The following TENM3 variants were observed in gnomAD, a reference collection of about 807,000 sequenced individuals.
The protein encoded by TENM3 is teneurin-3.
TENM3 carries 63 observed loss-of-function variants against 255.1 expected under a neutral mutation model. The ratio of observed to expected loss-of-function variants is 0.25; its 90% CI spans 0.20 to 0.30. TENM3 has a LOEUF of 0.30. Ranked by LOEUF, TENM3 falls within the 10% of genes least tolerant of loss-of-function variation. The pLI is 1.00. For synonymous variants in TENM3, 1,306 were observed against 1,322.3 expected (o/e 0.99, Z 0.27); for missense variants, 2,929 against 3,461.1 (o/e 0.85, Z 3.86).
At chr4:182,440,784 G>A (rs969526384) in intron 3 of TENM3, among the ~76,000 whole-genome samples, 3 of 151,798 alleles carry the variant, frequency 2.0e-5, no homozygotes, top group African/African-American at 2.4e-5. Context: ...GCGGAAGACC[G>A]TGCGGAAGGC....
the TENM3 span, among the ~76,000 whole-genome samples, chr4:181,587,404 T>G: frequency 6.6e-6 from 1 of 152,138 alleles, no homozygotes; most frequent in Admixed American, 6.5e-5. Flanking sequence ...ATCCTCTCTT[T>G]CTCTTTGGTG....
chr4:181,525,807 T>C, the TENM3 span, among the ~76,000 whole-genome samples: 1 of 152,232 alleles, frequency 6.6e-6, no homozygotes, highest in Admixed American at 6.5e-5. Flanking sequence ...TGAGGGCAGC[T>C]GGGTGAGTGC....
rs1561153694 is a variant in TENM3, at chr4:182,161,824, TACACA to T, written c.-76+17071_-76+17075del. ...ATATACACATATATATGTATATATA[TACACA>T]TATATATGTGTATATATACACAAAT... On this transcript the variant is annotated intron_variant, in intron 1 of 2. Transcript: ENST00000512480. Among the ~76,000 whole-genome samples the T allele has an allele frequency of 4.1e-4, 14 of 34,120 alleles. 3 individuals are homozygous for T. Among genetic ancestry groups the T allele is most frequent in the Non-Finnish European group, 6.0e-4 (10 of 16,784 alleles). The allele number at this position is 34,120 out of a possible 152,430, so 22.4% of individuals were successfully genotyped here.
At chr4:182,752,088 AGGGGTTG>A in intron 20 of TENM3, 56 bp downstream of exon 20, 69 of 1,077,894 alleles carry the variant, frequency 6.4e-5, no homozygotes, top group Non-Finnish European at 7.9e-5. Flanking sequence ...AAAAAAAAAA[AGGGGTTG>A]AAAATCCATT....
the TENM3 span, among the ~76,000 whole-genome samples, chr4:181,885,594 T>G: frequency 6.6e-6 from 1 of 152,052 alleles, no homozygotes; most frequent in African/African-American, 2.4e-5. Flanking sequence ...TGACTAGAAT[T>G]TAAACAACAC....
chr4:181,824,577 C>A, the TENM3 span, among the ~76,000 whole-genome samples: 1 of 152,026 alleles, frequency 6.6e-6, no homozygotes, highest in Non-Finnish European at 1.5e-5. Flanking sequence ...TCATATTCTT[C>A]CCATTTTATA....
the TENM3 span, among the ~76,000 whole-genome samples, chr4:181,561,869 G>A: frequency 0.29 from 44,016 of 151,874 alleles, 7,014 homozygotes; most frequent in Middle Eastern, 0.43. Context: ...ACATGTTTTC[G>A]GATAACCATC....
chr4:181,750,311 T>A, the TENM3 span, among the ~76,000 whole-genome samples: 2 of 152,292 alleles, frequency 1.3e-5, no homozygotes, highest in African/African-American at 4.8e-5. Flanking sequence ...GCCTAGTATG[T>A]GTCCTAAATG....
intron 1 of TENM3, among the ~76,000 whole-genome samples, chr4:182,257,180 G>C (rs1241765598): frequency 6.6e-6 from 1 of 152,198 alleles, no homozygotes; most frequent in Non-Finnish European, 1.5e-5. Context: ...TGGGGCTCCA[G>C]AATTTGCATT....
the TENM3 span, among the ~76,000 whole-genome samples, chr4:182,059,834 G>A: frequency 6.6e-6 from 1 of 151,862 alleles, no homozygotes; most frequent in Non-Finnish European, 1.5e-5. Flanking sequence ...TCTGGAGGCT[G>A]AGGCAGGAGG....
At chr4:181,975,096 A>G in the TENM3 span, 1 of 151,620 alleles carries the variant, frequency 6.6e-6, no homozygotes, top group African/African-American at 2.4e-5. Context: ...TGTTGCCGCA[A>G]AGGACATGAT....
At chr4:181,811,951 T>A in the TENM3 span, among the ~76,000 whole-genome samples, 1 of 152,264 alleles carries the variant, frequency 6.6e-6, no homozygotes, top group East Asian at 1.9e-4. Context: ...TGAGTGTGAT[T>A]AAACGCAAAT....
At chr4:181,726,738 C>T in the TENM3 span, among the ~76,000 whole-genome samples, 69 of 152,232 alleles carry the variant, frequency 4.5e-4, no homozygotes, top group African/African-American at 1.5e-3. Context: ...ATCTACCTTG[C>T]GATAGTCAGA....
chr4:182,492,540 ATCTT>A, intron 3 of TENM3, among the ~76,000 whole-genome samples: 1 of 152,242 alleles, frequency 6.6e-6, no homozygotes, highest in Admixed American at 6.5e-5. Flanking sequence ...TCCTGGTTCT[ATCTT>A]AAGAATTTTT....
chr4:182,199,353 C>A (rs553121356), intron 1 of TENM3, among the ~76,000 whole-genome samples: 3 of 151,980 alleles, frequency 2.0e-5, no homozygotes, highest in African/African-American at 7.3e-5. Flanking sequence ...ACCCAGGATG[C>A]GGAGGTTGCA....
chr4:181,454,938 A>T, the TENM3 span, among the ~76,000 whole-genome samples: 1 of 151,994 alleles, frequency 6.6e-6, no homozygotes, highest in Admixed American at 6.6e-5. Flanking sequence ...ATCACCTAAG[A>T]ACAGGTTTCT....
the TENM3 span, among the ~76,000 whole-genome samples, chr4:182,067,249 C>A: frequency 6.6e-6 from 1 of 152,136 alleles, no homozygotes; most frequent in Non-Finnish European, 1.5e-5. Context: ...TGAAATACAA[C>A]TGCAGAAACT....
intron 3 of TENM3, among the ~76,000 whole-genome samples, chr4:182,486,443 C>T (rs1734731799): frequency 6.6e-6 from 1 of 152,060 alleles, no homozygotes; most frequent in East Asian, 1.9e-4. Context: ...GAGACACCTC[C>T]TTTGTAGGAA....
chr4:182,479,821 A>C (rs974587524), intron 3 of TENM3, among the ~76,000 whole-genome samples: 5 of 151,900 alleles, frequency 3.3e-5, no homozygotes, highest in Non-Finnish European at 5.9e-5. Flanking sequence ...GTGAGGGAAA[A>C]CCCAATATAT....
Sources: allele counts gnomAD v4.1 joint callset (sites outside exome capture counted in the v4.1 genomes callset), GRCh38; gene constraint gnomAD v4.1.1; transcripts MANE v1.5; gene names NCBI Gene and HGNC (gene_info 2026-07-23, HGNC 2026-07-21).